TMEM132D: variants seen among roughly 807,000 people sequenced by gnomAD.
TMEM132D encodes mature OL transmembrane protein.
TMEM132D carries 21 observed loss-of-function variants against 62.3 expected under a neutral mutation model. The observed-to-expected ratio is 0.34, with a 90% CI of 0.24 to 0.49. TMEM132D has a LOEUF of 0.49. Among genes scored for constraint, TMEM132D ranks in the 20% least tolerant of loss-of-function variants. TMEM132D has a pLI of 0.99. For missense variants in TMEM132D, 1,346 were observed against 1,402.8 expected (o/e 0.96, Z 0.65); for synonymous variants, 621 against 575.6 (o/e 1.08, Z -1.13).
At chr12:129,167,977 G>T (rs1418298389) in intron 5 of TMEM132D, among the ~76,000 whole-genome samples, 2 of 151,936 alleles carry the variant, frequency 1.3e-5, no homozygotes, top group Non-Finnish European at 2.9e-5. Context: ...CTGTCAAAAA[G>T]AAGTCTTTCT....
At chr12:129,302,881 C>T (rs554272445) in intron 4 of TMEM132D, among the ~76,000 whole-genome samples, 1 of 152,276 alleles carries the variant, frequency 6.6e-6, no homozygotes, top group East Asian at 1.9e-4. Context: ...GGACAGAGGC[C>T]TGGATCCCAA....
At chr12:129,298,355 A>G (rs1429992060) in intron 4 of TMEM132D, among the ~76,000 whole-genome samples, 1 of 152,216 alleles carries the variant, frequency 6.6e-6, no homozygotes, top group African/African-American at 2.4e-5. Context: ...GCAATTGTAT[A>G]TATTTATAGG....
intron 4 of TMEM132D, among the ~76,000 whole-genome samples, chr12:129,287,586 G>A (rs1224564232): frequency 1.3e-5 from 2 of 152,108 alleles, no homozygotes; most frequent in African/African-American, 4.8e-5. Context: ...GATGCATAGG[G>A]AAAATAGGAA....
At chr12:129,469,805 C>G (rs980580323) in intron 3 of TMEM132D, among the ~76,000 whole-genome samples, 1 of 152,190 alleles carries the variant, frequency 6.6e-6, no homozygotes, top group Non-Finnish European at 1.5e-5. Flanking sequence ...GAGTCACCTT[C>G]AAAGTGAAAT....
At chr12:129,744,014 C>T (rs1023015121) in intron 1 of TMEM132D, among the ~76,000 whole-genome samples, 2 of 152,158 alleles carry the variant, frequency 1.3e-5, no homozygotes, top group African/African-American at 4.8e-5. Flanking sequence ...AGTAGGGAAC[C>T]TATACAGCTA....
At chr12:129,418,569 G>A (rs1261364868) in intron 3 of TMEM132D, among the ~76,000 whole-genome samples, 1 of 152,074 alleles carries the variant, frequency 6.6e-6, no homozygotes, top group Non-Finnish European at 1.5e-5. Context: ...GGTGGGTGGG[G>A]GACAAGGGGA....
intron 1 of TMEM132D, among the ~76,000 whole-genome samples, chr12:129,812,164 A>T (rs1307690458): frequency 6.6e-6 from 1 of 151,632 alleles, no homozygotes; most frequent in Non-Finnish European, 1.5e-5. Flanking sequence ...TACAACCCAA[A>T]TGCGCACATT....
chr12:129,505,393 C>T (rs1047623345), intron 3 of TMEM132D, among the ~76,000 whole-genome samples: 1 of 152,068 alleles, frequency 6.6e-6, no homozygotes, highest in Non-Finnish European at 1.5e-5. Flanking sequence ...CAGGCGCCTG[C>T]CACCATGCCC....
chr12:129,844,495 A>G (rs889240806), intron 1 of TMEM132D, among the ~76,000 whole-genome samples: 6 of 152,204 alleles, frequency 3.9e-5, no homozygotes, highest in African/African-American at 1.4e-4. Flanking sequence ...ATTATTCATC[A>G]CTATTAAAGA....
intron 1 of TMEM132D, among the ~76,000 whole-genome samples, chr12:129,840,926 C>G (rs1593182728): frequency 1.3e-5 from 2 of 152,192 alleles, no homozygotes; most frequent in East Asian, 3.8e-4. Context: ...TAATTATCAC[C>G]TAGAATGGTT....
intron 4 of TMEM132D, among the ~76,000 whole-genome samples, chr12:129,288,998 G>A (rs187512518): frequency 8.5e-5 from 13 of 152,224 alleles, no homozygotes; most frequent in Non-Finnish European, 1.5e-4. Flanking sequence ...AATACTGTAT[G>A]AATTGTATTG....
chr12:129,690,316 G>A (rs1012655565), intron 2 of TMEM132D, among the ~76,000 whole-genome samples: 1 of 148,086 alleles, frequency 6.8e-6, no homozygotes, highest in African/African-American at 2.4e-5. Context: ...GAAATTAATA[G>A]AAAATAGTTA....
rs1057332204 is a variant in TMEM132D, at chr12:129,117,752, T to C, written c.1444-33050A>G. 2.6e-5 allele frequency among the ~76,000 whole-genome samples: 4 copies of C among 152,360 alleles called. No individual in the cohort carries two copies. The South Asian group carries it at 8.3e-4, about 32-fold the overall frequency. On this transcript the variant is annotated intron_variant, in intron 5 of 8. Coordinates refer to ENST00000422113, the MANE Select transcript of TMEM132D (RefSeq NM_133448.3). ...AAGGAAGTATACTAATAACAAAGAC[T>C]ACATGTCTCCTTTTAAGGATTTTTT... is the stretch of plus-strand genomic sequence containing the variant.
At chr12:129,883,105 A>G (rs1874650439) in intron 1 of TMEM132D, among the ~76,000 whole-genome samples, 1 of 152,212 alleles carries the variant, frequency 6.6e-6, no homozygotes, top group Non-Finnish European at 1.5e-5. Flanking sequence ...AAGAAACACA[A>G]TTATATTCAA....
chr12:129,709,141 A>G (rs1051506606), intron 1 of TMEM132D, among the ~76,000 whole-genome samples: 6 of 152,192 alleles, frequency 3.9e-5, no homozygotes, highest in African/African-American at 1.4e-4. Flanking sequence ...CAAGTTTCAT[A>G]ACAGCAATGC....
At chr12:129,829,114 A>G (rs1000525723) in intron 1 of TMEM132D, among the ~76,000 whole-genome samples, 1 of 152,082 alleles carries the variant, frequency 6.6e-6, no homozygotes, top group Non-Finnish European at 1.5e-5. Flanking sequence ...GGCTCTGTTG[A>G]TTGAATTTTC....
chr12:129,421,962 C>T lies in TMEM132D; in HGVS notation c.1116-84145G>A, dbSNP rs542549182. ...ACCAAAGTGAAGGTACAGAACAATG[C>T]CATCGTTCCCCCAGATTCTTTCCTT... On this transcript the variant is annotated intron_variant, in intron 3 of 8. Coordinates refer to ENST00000422113, the MANE Select transcript of TMEM132D (RefSeq NM_133448.3). Among the ~76,000 whole-genome samples, 181 of 152,186 alleles carry T rather than the reference C, an allele frequency of 1.2e-3. 1 individual carries two copies. The highest frequency in any genetic ancestry group is 5.4e-3 in the South Asian group (26 of 4,818).
At chr12:129,211,777 T>G (rs998887330) in intron 4 of TMEM132D, among the ~76,000 whole-genome samples, 2 of 152,176 alleles carry the variant, frequency 1.3e-5, no homozygotes, top group Non-Finnish European at 2.9e-5. Flanking sequence ...ATCCATACAC[T>G]TTTTCTCCTC....
In TMEM132D at chr12:129,600,035, T is replaced by G. The variant is rs568330398; in HGVS notation, c.969-68830A>C. 1.1e-3 allele frequency among the ~76,000 whole-genome samples: 168 copies of G among 152,296 alleles called. 1 individual carries two copies. Among genetic ancestry groups the G allele is most frequent in the African/African-American group, 3.8e-3 (158 of 41,566 alleles). On this transcript the variant is annotated intron_variant, in intron 2 of 8. Coordinates refer to ENST00000422113, the MANE Select transcript of TMEM132D (RefSeq NM_133448.3). The stretch of plus-strand genomic sequence containing the variant: ...AATGGACTCGTCTTTTGACAAAAGA[T>G]TTCTCTGTAGCATGCGATGCCATTT...
Sources: allele counts gnomAD v4.1 joint callset (sites outside exome capture counted in the v4.1 genomes callset), GRCh38; gene constraint gnomAD v4.1.1; transcripts MANE v1.5; gene names NCBI Gene and HGNC (gene_info 2026-07-23, HGNC 2026-07-21).